MRPL1: variants seen among roughly 807,000 people sequenced by gnomAD.
MRPL1 encodes large ribosomal subunit protein uL1m.
In MRPL1, 28 loss-of-function variants were observed where a neutral mutation model predicts 38.0. The ratio of observed to expected loss-of-function variants is 0.74; its 90% CI spans 0.55 to 1.01. The LOEUF is 1.01. MRPL1 is among the 50% of genes least tolerant of loss of function. The pLI, the probability that MRPL1 is intolerant of heterozygous loss-of-function variation, is 0.00. For synonymous variants in MRPL1, 123 were observed against 126.7 expected, an observed-to-expected ratio of 0.97 and a Z score of 0.20; for missense variants, 358 against 389.8, an observed-to-expected ratio of 0.92 and a Z score of 0.69.
At chr4:77,926,290 T>C (rs1578057334) in intron 7 of MRPL1, among the ~76,000 whole-genome samples, 1 of 152,100 alleles carries the variant, frequency 6.6e-6, no homozygotes, top group Non-Finnish European at 1.5e-5. Context: ...ATAAGGAGAT[T>C]AAGTGAATAT....
chr4:77,882,533 G>C (rs1724305803), intron 2 of MRPL1, among the ~76,000 whole-genome samples: 1 of 152,122 alleles, frequency 6.6e-6, no homozygotes, highest in African/African-American at 2.4e-5. Context: ...CTACTTTTTA[G>C]TCTCTTAGGT....
At chr4:77,909,798 A>G (rs1161505521) in intron 7 of MRPL1, among the ~76,000 whole-genome samples, 1 of 152,048 alleles carries the variant, frequency 6.6e-6, no homozygotes, top group Admixed American at 6.5e-5. Flanking sequence ...ATTATGTCCA[A>G]TTTTCTCTGC....
At position 77,884,269 on chromosome 4, in the gene MRPL1, G is replaced by A. The variant is rs182556484; in HGVS notation, c.402+769G>A. On this transcript the variant is annotated intron_variant, in intron 3 of 8. Transcript: ENST00000315567. ...CAAAAAAAAAAAAAAAAGAGAATTT[G>A]TCTCTCCTTGTCTATAAAGAAATCC... Among the ~76,000 whole-genome samples, 635 of 151,044 alleles carry A rather than the reference G, an allele frequency of 4.2e-3. 7 individuals carry two copies. The highest frequency in any genetic ancestry group is 0.015 in the African/African-American group (614 of 41,166).
intron 7 of MRPL1, among the ~76,000 whole-genome samples, chr4:77,946,270 G>A (rs975454489): frequency 6.6e-6 from 1 of 152,198 alleles, no homozygotes; most frequent in Admixed American, 6.5e-5. Context: ...TATTCTGCCT[G>A]ACCCCACAGG....
chr4:77,867,282 T>TTGAA (rs1205810566), intron 1 of MRPL1, among the ~76,000 whole-genome samples: 1 of 152,238 alleles, frequency 6.6e-6, no homozygotes, highest in East Asian at 1.9e-4. Context: ...GGCGTATTTG[T>TTGAA]TGAATGAATG....
At chr4:77,934,555 A>G (rs1302667151) in intron 7 of MRPL1, among the ~76,000 whole-genome samples, 2 of 152,202 alleles carry the variant, frequency 1.3e-5, no homozygotes, top group African/African-American at 2.4e-5. Flanking sequence ...TGACGAGGAT[A>G]TAGGGAAACT....
chr4:77,895,907 C>G (rs1735901728), intron 6 of MRPL1, among the ~76,000 whole-genome samples: 1 of 152,012 alleles, frequency 6.6e-6, no homozygotes, highest in Non-Finnish European at 1.5e-5. Flanking sequence ...AAAAATTAAA[C>G]CAGAATTGCA....
intron 2 of MRPL1, among the ~76,000 whole-genome samples, chr4:77,882,043 G>C (rs568315247): frequency 1.6e-4 from 25 of 152,204 alleles, no homozygotes; most frequent in Non-Finnish European, 3.4e-4. Flanking sequence ...TTTTAGTTCA[G>C]AAGTCAGCAA....
chr4:77,890,917 A>AT (rs1735791593), intron 5 of MRPL1, among the ~76,000 whole-genome samples: 1 of 152,194 alleles, frequency 6.6e-6, no homozygotes, highest in Admixed American at 6.5e-5. Context: ...TCAAATTTTC[A>AT]TTTGGGGAAC....
At chr4:77,877,245 G>A (rs1384480505) in intron 2 of MRPL1, among the ~76,000 whole-genome samples, 1 of 152,202 alleles carries the variant, frequency 6.6e-6, no homozygotes, top group Non-Finnish European at 1.5e-5. Context: ...CTGAATGCGA[G>A]ATATGTTGTG....
chr4:77,913,067 T>G (rs1167182435), intron 7 of MRPL1, among the ~76,000 whole-genome samples: 1 of 152,100 alleles, frequency 6.6e-6, no homozygotes, highest in Non-Finnish European at 1.5e-5. Flanking sequence ...AAGACCTAAA[T>G]GTAAAGCCTA....
rs527602545 is a variant in MRPL1 at position 77,891,356 on chromosome 4, T to A, written c.559-2783T>A. Among the ~76,000 whole-genome samples, 6 of 150,306 alleles carry A rather than the reference T, an allele frequency of 4.0e-5. No individual in the cohort carries two copies. In the East Asian group the frequency reaches 1.2e-3, roughly 29 times the overall value. On this transcript the variant is annotated intron_variant, in intron 5 of 8. Coordinates refer to ENST00000315567, the MANE Select transcript of MRPL1 (RefSeq NM_020236.4). ...TTTGGTTCAGTTTTTTTTGTTTTTT[T>A]TTTTTTTCATTTTTTTTGAGACAGT...
chr4:77,872,518 G>T (rs1735305309), intron 2 of MRPL1, among the ~76,000 whole-genome samples: 1 of 152,104 alleles, frequency 6.6e-6, no homozygotes, highest in Admixed American at 6.5e-5. Context: ...AATCACTTGA[G>T]GTCAGGAGTT....
At chr4:77,931,546 G>A (rs1046407398) in intron 7 of MRPL1, among the ~76,000 whole-genome samples, 21 of 152,224 alleles carry the variant, frequency 1.4e-4, no homozygotes, top group African/African-American at 5.1e-4. Flanking sequence ...AGGCAACAGT[G>A]CTTGTTTTTG....
At chr4:77,869,259 G>A (rs1578036141) in intron 1 of MRPL1, among the ~76,000 whole-genome samples, 1 of 152,164 alleles carries the variant, frequency 6.6e-6, no homozygotes, top group Admixed American at 6.5e-5. Context: ...GCCACGGGGT[G>A]GGAGAGATTT....
At chr4:77,875,068 G>A (rs577452330) in intron 2 of MRPL1, among the ~76,000 whole-genome samples, 59 of 152,078 alleles carry the variant, frequency 3.9e-4, no homozygotes, top group Middle Eastern at 6.8e-3. Flanking sequence ...GATTACAGGC[G>A]TGAGCCACCA....
intron 7 of MRPL1, among the ~76,000 whole-genome samples, chr4:77,922,335 T>C (rs1578055715): frequency 2.6e-5 from 4 of 152,274 alleles, no homozygotes; most frequent in East Asian, 1.9e-4. Flanking sequence ...TCTGGTATGG[T>C]TGAGGACTAG....
chr4:77,915,449 G>C (rs1736400059), intron 7 of MRPL1, among the ~76,000 whole-genome samples: 1 of 151,956 alleles, frequency 6.6e-6, no homozygotes, highest in African/African-American at 2.4e-5. Context: ...TTTTAGATAG[G>C]GTCTTACTGT....
At chr4:77,898,774 G>A (rs1187706189) in intron 6 of MRPL1, among the ~76,000 whole-genome samples, 4 of 151,380 alleles carry the variant, frequency 2.6e-5, no homozygotes, top group South Asian at 2.1e-4. Context: ...GATTACATGC[G>A]TGAGCCACCG....
Sources: allele counts gnomAD v4.1 joint callset (sites outside exome capture counted in the v4.1 genomes callset), GRCh38; gene constraint gnomAD v4.1.1; transcripts MANE v1.5; gene names NCBI Gene and HGNC (gene_info 2026-07-23, HGNC 2026-07-21).